The following LSP1 variants were observed in gnomAD, a reference collection of about 807,000 sequenced individuals.
LSP1 encodes the protein lymphocyte specific protein 1, also known as lymphocyte-specific protein 1.
A neutral mutation model predicts 49.3 loss-of-function variants in LSP1; 32 were observed. The observed-to-expected ratio is 0.65, with a 90% CI of 0.49 to 0.87. The LOEUF (loss-of-function observed/expected upper bound fraction) is 0.87. LSP1 is among the 40% of genes least tolerant of loss of function. The pLI is 0.00. For missense variants in LSP1, 428 were observed against 442.6 expected (o/e 0.97, Z 0.30); for synonymous variants, 179 against 178.8 (o/e 1.00, Z -0.01).
chr11:1,870,797 T>G (rs74986703), intron 1 of LSP1: 1 of 988,592 alleles, frequency 1.0e-6, no homozygotes, highest in Non-Finnish European at 1.2e-6. Flanking sequence ...GGAAAGAGGA[T>G]GGCAGAGCCT....
intron 1 of LSP1, among the ~76,000 whole-genome samples, chr11:1,879,640 C>G (rs1175747732): frequency 6.6e-6 from 1 of 152,232 alleles, no homozygotes; most frequent in Non-Finnish European, 1.5e-5. Flanking sequence ...GAGGTGCCGC[C>G]TGGCGGTGGG....
chr11:1,861,081 A>G (rs1237073955), intron 1 of LSP1, among the ~76,000 whole-genome samples: 1 of 152,244 alleles, frequency 6.6e-6, no homozygotes, highest in Non-Finnish European at 1.5e-5. Context: ...AGTAGACACT[A>G]CTAAATCAGG....
Position 1,884,152 on chromosome 11 carries a change from C to G in LSP1, c.591+128C>G, listed in dbSNP as rs1565087288. ...GCTTTTGTCTGCTATCCCCCCATTG[C>G]CCGGTGCTCAGCGAACCCCCATGAT... On this transcript the variant is annotated intron_variant, in intron 5 of 10. Coordinates refer to ENST00000311604, the MANE Select transcript of LSP1 (RefSeq NM_002339.3). The surrounding 1 kb of genome is among the most constrained non-coding windows in gnomAD (Gnocchi z 4.1). 4 of 1,426,314 alleles carry G rather than the reference C, an allele frequency of 2.8e-6. No individual in the cohort carries two copies. Among genetic ancestry groups the G allele is most frequent in the Non-Finnish European group, 3.9e-6 (4 of 1,014,062 alleles). The allele number at this position is 1,426,314 out of a possible 1,614,324, so 88.4% of individuals were successfully genotyped here.
In LSP1 at chr11:1,883,447, G is replaced by T; in HGVS notation, c.385G>T (p.Asp129Tyr). ...RPGLHAYEKE[D>Y]SDEVHLEELS... is the part of the protein sequence containing the mutation. ...CGGCCTGCATGCCTACGAAAAGGAGGACAGTGATGAAGTCCACCTGGAGGA... is the reference window on the plus strand; with the variant it reads ...CGGCCTGCATGCCTACGAAAAGGAGTACAGTGATGAAGTCCACCTGGAGGA... Residue 129 changes from aspartate to tyrosine, a missense_variant, in exon 4 of 11, where the codon GAC becomes TAC. Coordinates refer to ENST00000311604, the MANE Select transcript of LSP1 (RefSeq NM_002339.3). 1 of 1,614,094 alleles carries T rather than the reference G, an allele frequency of 6.2e-7. No homozygotes were observed. Among genetic ancestry groups the T allele is most frequent in the South Asian group, 1.1e-5 (1 of 91,086 alleles).
intron 1 of LSP1, among the ~76,000 whole-genome samples, chr11:1,866,267 C>T (rs1037862056): frequency 1.3e-5 from 2 of 152,194 alleles, no homozygotes; most frequent in Non-Finnish European, 2.9e-5. Flanking sequence ...GCATGCTGGC[C>T]GGACCTCGAG....
intron 1 of LSP1, among the ~76,000 whole-genome samples, chr11:1,877,742 G>A (rs1437197154): frequency 6.6e-6 from 1 of 152,234 alleles, no homozygotes; most frequent in Non-Finnish European, 1.5e-5. Context: ...ATGGGGTGCG[G>A]GCATGTATGC....
rs752195140 is a variant in LSP1, at chr11:1,886,883, G to A, written c.852+17G>A. 3.3e-5 allele frequency: 53 copies of A among 1,601,390 alleles called. No homozygotes were observed. The highest frequency in any genetic ancestry group is 4.4e-5 in the Non-Finnish European group (52 of 1,175,150). On this transcript the variant is annotated intron_variant, in intron 8 of 10. Coordinates refer to ENST00000311604, the MANE Select transcript of LSP1 (RefSeq NM_002339.3). ...TCCTGCAAGGTAAGGTCCCCTCCAG[G>A]GGCAAGGCTGGGCTGCAGAGCCAGC... is the stretch of plus-strand genomic sequence containing the variant.
At chr11:1,890,798 T>C (rs977169414) in intron 10 of LSP1, 67 of 587,906 alleles carry the variant, frequency 1.1e-4, no homozygotes, top group Non-Finnish European at 2.0e-4. Flanking sequence ...CACCCTAGTG[T>C]AGAAATGAGG....
chr11:1,877,637 G>A (rs970604082), intron 1 of LSP1, among the ~76,000 whole-genome samples: 5 of 149,044 alleles, frequency 3.4e-5, no homozygotes, highest in African/African-American at 1.3e-4. Flanking sequence ...GGGATCCCTG[G>A]AGGGGGACGT....
chr11:1,862,486 G>A (rs1027283472), intron 1 of LSP1, among the ~76,000 whole-genome samples: 3 of 152,158 alleles, frequency 2.0e-5, no homozygotes, highest in Admixed American at 1.3e-4. Flanking sequence ...ATTCCTGGCT[G>A]TCTGTGGCTG....
Position 1,890,609 on chromosome 11 carries a change from C to G in LSP1, c.*14-1164C>G, listed in dbSNP as rs1487265371. ...TGACTGTGTCCTAGGGTGGGAGGGACAGTGGTCAGGCCAGCCCTCCTCCCT... is the reference window on the plus strand; with the variant it reads ...TGACTGTGTCCTAGGGTGGGAGGGAGAGTGGTCAGGCCAGCCCTCCTCCCT... On this transcript the variant is annotated intron_variant, in intron 10 of 10. Coordinates refer to ENST00000311604, the MANE Select transcript of LSP1 (RefSeq NM_002339.3). 5.7e-6 allele frequency: 4 copies of G among 696,850 alleles called. No homozygotes were observed. In the Admixed American group the frequency reaches 6.0e-5, roughly 10 times the overall value. 43.2% of individuals were successfully genotyped at this position (696,850 alleles called of 1,614,324 possible). A position where few individuals can be genotyped will look rare whatever the true frequency, so the allele number is the denominator to read the frequency against.
intron 1 of LSP1, among the ~76,000 whole-genome samples, chr11:1,874,691 C>T (rs1460407157): frequency 1.3e-5 from 2 of 152,186 alleles, no homozygotes; most frequent in African/African-American, 4.8e-5. Flanking sequence ...CTCCCTCCGG[C>T]AGCCCCCAGG....
rs542550457 is a variant in LSP1 at position 1,883,916 on chromosome 11, G to A, written c.499-16G>A. The A allele has an allele frequency of 3.8e-6, 5 of 1,325,034 alleles. No homozygotes were observed. In the African/African-American group the frequency reaches 7.6e-5, roughly 20 times the overall value. 82.1% of individuals were successfully genotyped at this position (1,325,034 alleles called of 1,614,324 possible). On this transcript the variant is annotated splice_polypyrimidine_tract_variant and intron_variant, in intron 4 of 10. Coordinates refer to ENST00000311604, the MANE Select transcript of LSP1 (RefSeq NM_002339.3). ...AAGCAGGGGGTCACTTGGGATGTCT[G>A]TTTTTTTTTTTCTAGCACCAGAAAT...
Position 1,880,221 on chromosome 11 carries a change from T to C in LSP1, c.188T>C (p.Met63Thr). 4 of 1,595,232 alleles carry C rather than the reference T, an allele frequency of 2.5e-6. No homozygotes were observed. The highest frequency in any genetic ancestry group is 3.4e-6 in the Non-Finnish European group (4 of 1,168,662). The change falls in exon 2 of 11, where the codon ATG becomes ACG. Residue 63 changes from methionine to threonine, a missense_variant. Met to Thr is a moderately conservative substitution (Grantham distance 81). Coordinates refer to ENST00000311604, the MANE Select transcript of LSP1 (RefSeq NM_002339.3). Reference protein sequence around the residue: ...GHVPERPKQEMLLSLKPSEAP... With the variant: ...GHVPERPKQETLLSLKPSEAP... Reference sequence around the variant, plus strand: ...GTCCCCGAGCGGCCGAAGCAGGAGATGCTGTGAGCAGCCCCATAACGCGTG... The same window carrying C: ...GTCCCCGAGCGGCCGAAGCAGGAGACGCTGTGAGCAGCCCCATAACGCGTG...
intron 1 of LSP1, chr11:1,866,493 C>T (rs1847793248): frequency 1.3e-6 from 2 of 1,495,814 alleles, no homozygotes; most frequent in African/African-American, 1.4e-5. Context: ...GATCTGGTCC[C>T]CACCTGGCAG....
chr11:1,887,380 C>G (rs1357111814), intron 9 of LSP1, 66 bp downstream of exon 9: 1 of 1,581,526 alleles, frequency 6.3e-7, no homozygotes, highest in African/African-American at 1.3e-5. Context: ...GAGGGACTGT[C>G]CTCTGTGCAT....
At chr11:1,868,565 G>A (rs1307181009) in intron 1 of LSP1, 1 of 817,922 alleles carries the variant, frequency 1.2e-6, no homozygotes. Context: ...CTGGCCCTGA[G>A]GGGGCTGGGG....
intron 1 of LSP1, among the ~76,000 whole-genome samples, chr11:1,878,604 G>A (rs1848409594): frequency 6.6e-6 from 1 of 152,134 alleles, no homozygotes; most frequent in Non-Finnish European, 1.5e-5. Flanking sequence ...AGAGGCTTAG[G>A]GGAGACCTAG....
intron 10 of LSP1, among the ~76,000 whole-genome samples, chr11:1,888,426 C>T (rs911520466): frequency 2.6e-5 from 4 of 152,180 alleles, no homozygotes; most frequent in South Asian, 2.1e-4. Flanking sequence ...CTGAGACCCT[C>T]GCTGTCCCAC....
Sources: allele counts gnomAD v4.1 joint callset (sites outside exome capture counted in the v4.1 genomes callset), GRCh38; gene constraint gnomAD v4.1.1; non-coding constraint Gnocchi (gnomAD v3.1); transcripts MANE v1.5; gene names NCBI Gene and HGNC (gene_info 2026-07-23, HGNC 2026-07-21).